SEPTIN5: variants seen among roughly 807,000 people sequenced by gnomAD.
SEPTIN5 encodes the protein septin 5, also known as septin-5.
Under a neutral mutation model 51.2 loss-of-function variants are expected in SEPTIN5, and 16 were observed. The ratio of observed to expected loss-of-function variants is 0.31; its 90% CI spans 0.21 to 0.47. The LOEUF (loss-of-function observed/expected upper bound fraction) is 0.47, where lower values mean the gene tolerates loss of function less well. Among genes scored for constraint, SEPTIN5 ranks in the 20% least tolerant of loss-of-function variants. The pLI is 0.99. For missense variants in SEPTIN5, 376 were observed against 500.3 expected, an observed-to-expected ratio of 0.75 and a Z score of 2.37; for synonymous variants, 208 against 191.2, an observed-to-expected ratio of 1.09 and a Z score of -0.72.
Position 19,714,707 on chromosome 22 carries a change from C to T in SEPTIN5, c.44-74C>T. The T allele has an allele frequency of 6.5e-7, 1 of 1,536,036 alleles. No individual in the cohort carries two copies. Among genetic ancestry groups the T allele is most frequent in the Non-Finnish European group, 8.7e-7 (1 of 1,146,330 alleles). The stretch of plus-strand genomic sequence containing the variant: ...CCGCGCGCCTCTCACCGTGTCTCTC[C>T]GTCTCTCCCCCGCCCGCCGGCCCGG... On this transcript the variant is annotated intron_variant, in intron 1 of 11. Transcript: ENST00000455784. The surrounding 1 kb of genome is among the most constrained non-coding windows in gnomAD (Gnocchi z 5.2).
rs534343896 is a variant in SEPTIN5, at chr22:19,715,230, T to C, written c.54+439T>C. ...GCCTGTGGTCACCACCCACCTCCCC[T>C]GCACCTTCATGCCCCTTTCCCTCCC... On this transcript the variant is annotated intron_variant, in intron 2 of 11. Coordinates refer to ENST00000455784, the MANE Select transcript of SEPTIN5 (RefSeq NM_002688.6). Among the ~76,000 whole-genome samples the C allele has an allele frequency of 5.9e-5, 9 of 152,344 alleles. No homozygotes were observed. The South Asian group carries it at 1.4e-3, about 25-fold the overall frequency.
intron 2 of SEPTIN5, chr22:19,718,727 GGGTCGCCGC>G (rs1935959306): frequency 4.8e-6 from 6 of 1,245,132 alleles, no homozygotes; most frequent in Non-Finnish European, 6.0e-6. Flanking sequence ...GGGCCTGGGG[GGGTCGCCGC>G]GATGGACTCG....
At chr22:19,717,827 CACACGCAT>C (rs895535052) in intron 2 of SEPTIN5, 24 of 196,302 alleles carry the variant, frequency 1.2e-4, no homozygotes, top group African/African-American at 5.5e-4. Flanking sequence ...CACGTACACA[CACACGCAT>C]ACACGCATGT....
At chr22:19,715,390 T>C (rs1935898313) in intron 2 of SEPTIN5, among the ~76,000 whole-genome samples, 1 of 152,216 alleles carries the variant, frequency 6.6e-6, no homozygotes, top group Non-Finnish European at 1.5e-5. Flanking sequence ...GCTTGTGGCT[T>C]CTCAAAAGGG....
chr22:19,720,746 G>C (rs752813298), intron 7 of SEPTIN5, 22 bp from the exon 8 acceptor site: 18 of 1,612,758 alleles, frequency 1.1e-5, no homozygotes, highest in Non-Finnish European at 1.4e-5. Context: ...CCTCAAATCT[G>C]ATGGTCCTTG....
chr22:19,718,439 G>A, intron 2 of SEPTIN5: 1 of 1,090,426 alleles, frequency 9.2e-7, no homozygotes, highest in South Asian at 4.4e-5. Flanking sequence ...CTCCGCGGGC[G>A]CCTGCGACGC....
Position 19,722,356 on chromosome 22 carries a change from G to A in SEPTIN5, c.1053+17G>A. 6.2e-7 allele frequency: 1 copy of A among 1,602,074 alleles called. No homozygotes were observed. The highest frequency in any genetic ancestry group is 8.5e-7 in the Non-Finnish European group (1 of 1,174,500). ...GATGAGGAAGTATGTGGGGCGGCGG[G>A]GGCGGCGGAGGCGGGCGTCAGGGAT... On this transcript the variant is annotated intron_variant, in intron 11 of 11. Coordinates refer to ENST00000455784, the MANE Select transcript of SEPTIN5 (RefSeq NM_002688.6).
chr22:19,718,487 G>T, intron 2 of SEPTIN5: 1 of 1,200,848 alleles, frequency 8.3e-7, no homozygotes, highest in Non-Finnish European at 1.0e-6. Context: ...GGGCCTGCCC[G>T]GACTGCGACG....
chr22:19,720,447 G>T lies in SEPTIN5; in HGVS notation c.490G>T (p.Gly164Trp). 6.2e-7 allele frequency: 1 copy of T among 1,613,708 alleles called. No homozygotes were observed. Among genetic ancestry groups the T allele is most frequent in the Non-Finnish European group, 8.5e-7 (1 of 1,179,930 alleles). ...CTGCCTATACTTCATCTCCCCCTTC[G>T]GGCATGGGTGTGTGGCTGTCCTGGG... The part of the protein sequence containing the change: ...HCCLYFISPF[G>W]HGLRPVDVGF... Residue 164 changes from glycine to tryptophan, a missense_variant, in exon 6 of 12, where the codon GGG becomes TGG. Coordinates refer to ENST00000455784, the MANE Select transcript of SEPTIN5 (RefSeq NM_002688.6).
In SEPTIN5 at chr22:19,719,799, T is replaced by G; in HGVS notation, c.152-7T>G. 2 of 1,612,644 alleles carry G rather than the reference T, an allele frequency of 1.2e-6. No individual in the cohort carries two copies. The highest frequency in any genetic ancestry group is 1.7e-6 in the Non-Finnish European group (2 of 1,179,640). ...TAACGCAGCTCCTTCTCTGTACCTG[T>G]GTGCAGGTGAGTCAGGCCTGGGGAA... On this transcript the variant is annotated splice_region_variant and splice_polypyrimidine_tract_variant and intron_variant, in intron 3 of 11. Transcript: ENST00000455784.
chr22:19,722,405 C>T lies in SEPTIN5; in HGVS notation c.1054-23C>T, dbSNP rs774922672. On this transcript the variant is annotated intron_variant, in intron 11 of 11. Coordinates refer to ENST00000455784, the MANE Select transcript of SEPTIN5 (RefSeq NM_002688.6). ...ATGCTCCTCCGCGGTGCTGCTCACC[C>T]GCCGGGTTGTCTCCGCCCGCAGCTG... The T allele has an allele frequency of 4.3e-5, 69 of 1,595,480 alleles. No homozygotes were observed. In the East Asian group the frequency reaches 6.0e-4, roughly 14 times the overall value.
chr22:19,722,214 A>AACCCCCC, intron 10 of SEPTIN5, 23 bp from the exon 11 acceptor site: 1 of 903,756 alleles, frequency 1.1e-6, no homozygotes, highest in Non-Finnish European at 1.7e-6. Context: ...CGCCCCGCCC[A>AACCCCCC]TCCTCCCCCC....
At position 19,717,836 on chromosome 22, in the gene SEPTIN5, A is replaced by G. The variant is rs372228553; in HGVS notation, c.55-1766A>G. On this transcript the variant is annotated intron_variant, in intron 2 of 11. Transcript: ENST00000455784. ...TGCACACACGTACACACACACGCAT[A>G]CACGCATGTATACACGCGCACACAC... is the stretch of plus-strand genomic sequence containing the variant. The G allele has an allele frequency of 1.5e-3, 281 of 192,756 alleles. 3 individuals are homozygous for G. Among genetic ancestry groups the G allele is most frequent in the African/African-American group, 6.2e-3 (259 of 41,924 alleles). 11.9% of individuals were successfully genotyped at this position (192,756 alleles called of 1,614,324 possible). A position where few individuals can be genotyped will look rare whatever the true frequency, so the allele number is the denominator to read the frequency against.
At chr22:19,718,588 G>C in intron 2 of SEPTIN5, 1 of 1,290,890 alleles carries the variant, frequency 7.7e-7, no homozygotes, top group Non-Finnish European at 9.8e-7. Flanking sequence ...GACGTGCCCT[G>C]TCCAGGCCTC....
chr22:19,718,596 C>G (rs750861643), intron 2 of SEPTIN5: 1 of 1,291,142 alleles, frequency 7.7e-7, no homozygotes, highest in Non-Finnish European at 9.8e-7. Context: ...CTGTCCAGGC[C>G]TCACTTCCCG....
intron 2 of SEPTIN5, chr22:19,717,718 G>A (rs1420475363): frequency 7.5e-6 from 2 of 265,240 alleles, no homozygotes; most frequent in Non-Finnish European, 1.5e-5. Flanking sequence ...CAGAAAAGGT[G>A]GGCTCTGCCC....
chr22:19,720,866 G>A lies in SEPTIN5; in HGVS notation c.714G>A (p.Leu238=). 6.2e-7 allele frequency: 1 copy of A among 1,613,444 alleles called. No homozygotes were observed. Among genetic ancestry groups the A allele is most frequent in the Non-Finnish European group, 8.5e-7 (1 of 1,179,732 alleles). ...DEDFKQQDRE[L]KESAPFAVIG... Reference sequence around the variant, plus strand: ...ACTTCAAGCAGCAGGACCGGGAACTGAAGGTGAACATGCAGACTGGTGGGG... The same window carrying A: ...ACTTCAAGCAGCAGGACCGGGAACTAAAGGTGAACATGCAGACTGGTGGGG... The change falls in exon 8 of 12, where the codon CTG becomes CTA. Residue 238 remains leucine (L), a synonymous_variant. Coordinates refer to ENST00000455784, the MANE Select transcript of SEPTIN5 (RefSeq NM_002688.6).
chr22:19,722,749 C>T lies in SEPTIN5; in HGVS notation c.*265C>T, dbSNP rs1039515599. On this transcript the variant is annotated 3_prime_UTR_variant, in exon 12 of 12. Transcript: ENST00000455784. ...ATCCGCCTCCCTTGCCCTTCCCCCG[C>T]CCCCGGACGGTCACAGCACCCAAAC... The T allele has an allele frequency of 5.5e-6, 3 of 543,716 alleles. No homozygotes were observed. Among genetic ancestry groups the T allele is most frequent in the South Asian group, 2.1e-5 (1 of 48,064 alleles). 33.7% of individuals were successfully genotyped at this position (543,716 alleles called of 1,614,324 possible).
rs1935989435 is a variant in SEPTIN5, at chr22:19,719,799, T to A, written c.152-7T>A. 6.2e-7 allele frequency: 1 copy of A among 1,612,526 alleles called. No homozygotes were observed. The highest frequency in any genetic ancestry group is 1.3e-5 in the African/African-American group (1 of 74,932). ...TAACGCAGCTCCTTCTCTGTACCTG[T>A]GTGCAGGTGAGTCAGGCCTGGGGAA... On this transcript the variant is annotated splice_region_variant and splice_polypyrimidine_tract_variant and intron_variant, in intron 3 of 11. Coordinates refer to ENST00000455784, the MANE Select transcript of SEPTIN5 (RefSeq NM_002688.6).
Sources: allele counts gnomAD v4.1 joint callset (sites outside exome capture counted in the v4.1 genomes callset), GRCh38; gene constraint gnomAD v4.1.1; non-coding constraint Gnocchi (gnomAD v3.1); transcripts MANE v1.5; gene names NCBI Gene and HGNC (gene_info 2026-07-23, HGNC 2026-07-21).